MMS19: variants seen among roughly 807,000 people sequenced by gnomAD.
MMS19 encodes MMS19 cytosolic iron-sulfur assembly component.
MMS19 carries 77 observed loss-of-function variants against 129.8 expected under a neutral mutation model. The ratio of observed to expected loss-of-function variants is 0.59; its 90% CI spans 0.49 to 0.72. The LOEUF (loss-of-function observed/expected upper bound fraction) is 0.72. Among genes scored for constraint, MMS19 ranks in the 30% least tolerant of loss-of-function variants. MMS19 has a pLI of 0.00. For synonymous variants in MMS19, 491 were observed against 502.8 expected, an observed-to-expected ratio of 0.98 and a Z score of 0.31; for missense variants, 1,168 against 1,266.3, an observed-to-expected ratio of 0.92 and a Z score of 1.18.
rs934232159 is a variant in MMS19 at position 97,458,551 on chromosome 10, T to C, written c.*141A>G. 16 of 758,194 alleles carry C rather than the reference T, an allele frequency of 2.1e-5. No homozygotes were observed. Among genetic ancestry groups the C allele is most frequent in the Non-Finnish European group, 3.0e-5 (14 of 472,110 alleles). The allele number at this position is 758,194 out of a possible 1,614,324, so 47.0% of individuals were successfully genotyped here. A position where few individuals can be genotyped will look rare whatever the true frequency, so the allele number is the denominator to read the frequency against. On this transcript the variant is annotated 3_prime_UTR_variant, in exon 31 of 31. Coordinates refer to ENST00000438925, the MANE Select transcript of MMS19 (RefSeq NM_022362.5). The stretch of plus-strand genomic sequence containing the variant: ...GACTCTTATGTTCTTTGTACAGCCA[T>C]GCAACAGAGGCCTAGCATTTGTGCT...
chr10:97,482,700 A>G (rs1393735137), intron 2 of MMS19, among the ~76,000 whole-genome samples: 3 of 146,728 alleles, frequency 2.0e-5, no homozygotes, highest in Admixed American at 1.4e-4. Flanking sequence ...TCATACATCA[A>G]TAAGGCTGTG....
Position 97,468,266 on chromosome 10 carries a change from G to A in MMS19, c.1204C>T (p.His402Tyr), listed in dbSNP as rs760661491. 6.3e-7 allele frequency: 1 copy of A among 1,588,630 alleles called. No homozygotes were observed. The highest frequency in any genetic ancestry group is 8.6e-7 in the Non-Finnish European group (1 of 1,163,172). Residue 402 changes from histidine to tyrosine, a missense_variant, in exon 13 of 31, where the codon CAC becomes TAC. By Grantham distance (83) the His-to-Tyr change is moderately conservative. Around this residue, in one of 3 missense-constraint regions of MMS19, gnomAD observed 831 missense variants for 910.8 expected, o/e 0.91. Coordinates refer to ENST00000438925, the MANE Select transcript of MMS19 (RefSeq NM_022362.5). ...TGCTCCCTTACCTGACTGTGCTTGT[G>A]GAACTGTTCCAGCAGTAAAGGCAGT... ...NVLPLLLEQF[H>Y]KHSQSSQRRT...
At chr10:97,486,592 G>A (rs2037884548) in intron 1 of MMS19, among the ~76,000 whole-genome samples, 1 of 152,058 alleles carries the variant, frequency 6.6e-6, no homozygotes, top group Admixed American at 6.6e-5. Context: ...CTTATATGGA[G>A]AATCTAAAAA....
In MMS19 at chr10:97,476,748, T is replaced by C. The variant is rs777578282; in HGVS notation, c.623-4A>G. ...AACAACTCCTCCACAAAGGGTCCTG[T>C]GGCAACAGAGAAAAAATGAGGTTGG... On this transcript the variant is annotated splice_polypyrimidine_tract_variant and splice_region_variant and intron_variant, in intron 7 of 30. Transcript: ENST00000438925. 2.5e-6 allele frequency: 4 copies of C among 1,613,858 alleles called. No homozygotes were observed. The highest frequency in any genetic ancestry group is 3.3e-5 in the Admixed American group (2 of 59,994).
chr10:97,470,339 T>G (rs1184514256), intron 9 of MMS19, 136 bp from the exon 10 acceptor site: 2 of 679,044 alleles, frequency 2.9e-6, no homozygotes, highest in South Asian at 3.5e-5. Flanking sequence ...GAGCTATGAA[T>G]GTAAGCTAAC....
At chr10:97,483,299 C>T (rs2037218929) in intron 2 of MMS19, among the ~76,000 whole-genome samples, 1 of 152,118 alleles carries the variant, frequency 6.6e-6, no homozygotes, top group Non-Finnish European at 1.5e-5. Context: ...GGCAATCCAC[C>T]TTCTTCGGCC....
At chr10:97,462,726 G>T in intron 19 of MMS19, 44 bp from the exon 20 acceptor site, 1 of 1,469,304 alleles carries the variant, frequency 6.8e-7, no homozygotes, top group Non-Finnish European at 9.5e-7. Context: ...GACCATGACG[G>T]GTTCAAGAAA....
intron 8 of MMS19, among the ~76,000 whole-genome samples, chr10:97,471,505 CTATTAT>C (rs888896215): frequency 5.9e-5 from 9 of 151,878 alleles, no homozygotes; most frequent in East Asian, 1.9e-4. Context: ...AAGGGATTTA[CTATTAT>C]TATTATTATT....
chr10:97,459,148 C>T (rs1450278184), intron 29 of MMS19, 75 bp downstream of exon 29: 1 of 1,473,642 alleles, frequency 6.8e-7, no homozygotes, highest in African/African-American at 1.4e-5. Flanking sequence ...CCAAGCCCAC[C>T]TGACTAAGGC....
Position 97,460,151 on chromosome 10 carries a change from C to T in MMS19, c.2551G>A (p.Val851Met), listed in dbSNP as rs776150471. ...FSLLMSDCTDVLTRAGHAEVR... is the reference protein window; with the variant it reads ...FSLLMSDCTDMLTRAGHAEVR... Reference sequence around the variant, plus strand: ...TCGGCATGGCCAGCACGAGTCAGCACATCAGTGCAGTCAGACATGAGCAGA... The same window carrying T: ...TCGGCATGGCCAGCACGAGTCAGCATATCAGTGCAGTCAGACATGAGCAGA... The change falls in exon 26 of 31, where the codon GTG (valine) becomes ATG (methionine). Residue 851 changes from valine to methionine, a missense_variant. Coordinates refer to ENST00000438925, the MANE Select transcript of MMS19 (RefSeq NM_022362.5). 2.5e-6 allele frequency: 4 copies of T among 1,613,910 alleles called. No individual in the cohort carries two copies. In the African/African-American group the frequency reaches 5.3e-5, roughly 22 times the overall value.
intron 18 of MMS19, 96 bp from the exon 19 acceptor site, chr10:97,464,109 T>C: frequency 1.7e-6 from 2 of 1,163,660 alleles, no homozygotes; most frequent in Non-Finnish European, 2.4e-6. Flanking sequence ...GAAGAGTGAC[T>C]GAAGGGACCA....
chr10:97,461,922 A>G (rs1379075451), intron 21 of MMS19, 26 bp from the exon 22 acceptor site: 12 of 1,589,520 alleles, frequency 7.5e-6, no homozygotes, highest in Non-Finnish European at 1.0e-5. Flanking sequence ...AGCCCGATCA[A>G]GCCTGCCAGC....
chr10:97,495,752 A>T (rs972775964), intron 1 of MMS19, among the ~76,000 whole-genome samples: 1 of 152,222 alleles, frequency 6.6e-6, no homozygotes, highest in African/African-American at 2.4e-5. Context: ...TTCAACTTTT[A>T]TCTGTTACTA....
At chr10:97,492,860 CAAAA>C (rs67491435) in intron 1 of MMS19, among the ~76,000 whole-genome samples, 18 of 106,068 alleles carry the variant, frequency 1.7e-4, no homozygotes, top group Non-Finnish European at 2.6e-4. Flanking sequence ...CTTCATCTCC[CAAAA>C]AAAAAAAAAA....
At chr10:97,492,882 A>G (rs2039165606) in intron 1 of MMS19, among the ~76,000 whole-genome samples, 1 of 149,604 alleles carries the variant, frequency 6.7e-6, no homozygotes, top group South Asian at 2.1e-4. Context: ...AAAAAAAGCC[A>G]TATGTTCGTT....
Position 97,466,600 on chromosome 10 carries a change from G to C in MMS19, c.1424-15C>G. On this transcript the variant is annotated splice_polypyrimidine_tract_variant and intron_variant, in intron 15 of 30. Transcript: ENST00000438925. ...AGATAGGAGATCTGTAGTTAGAAGG[G>C]AACATGAATCTCATCTTTCTTCCCC... 1 of 1,606,536 alleles carries C rather than the reference G, an allele frequency of 6.2e-7. No individual in the cohort carries two copies. Among genetic ancestry groups the C allele is most frequent in the Non-Finnish European group, 8.5e-7 (1 of 1,173,146 alleles).
chr10:97,469,142 T>G, intron 11 of MMS19, 38 bp from the exon 12 acceptor site: 1 of 1,546,798 alleles, frequency 6.5e-7, no homozygotes, highest in South Asian at 1.2e-5. Flanking sequence ...GAGGTGAGCC[T>G]GCACCAGATG....
At chr10:97,472,775 AT>A (rs1265639160) in intron 8 of MMS19, among the ~76,000 whole-genome samples, 1 of 151,502 alleles carries the variant, frequency 6.6e-6, no homozygotes, top group African/African-American at 2.4e-5. Context: ...CGCCCAGTTA[AT>A]TTTTGTATTT....
At chr10:97,495,503 G>A (rs2039628157) in intron 1 of MMS19, among the ~76,000 whole-genome samples, 1 of 152,204 alleles carries the variant, frequency 6.6e-6, no homozygotes, top group Non-Finnish European at 1.5e-5. Context: ...GATTTAGGCT[G>A]AAAGATTAGA....
Sources: gnomAD v4.1 joint callset for allele counts (sites outside exome capture counted in the v4.1 genomes callset) on GRCh38, gnomAD v4.1.1 for gene constraint, gnomAD v4.1.1 regional missense constraint, MANE v1.5 for transcripts, NCBI Gene and HGNC (gene_info 2026-07-23, HGNC 2026-07-21) for gene names.